Variants in DYNC1I1 observed in about 807,000 individuals in gnomAD.
DYNC1I1 encodes the protein dynein cytoplasmic 1 intermediate chain 1.
In DYNC1I1, 43 loss-of-function variants were observed where a neutral mutation model predicts 86.6. The ratio of observed to expected loss-of-function variants is 0.50; its 90% CI spans 0.39 to 0.64. The LOEUF is 0.64. Among genes scored for constraint, DYNC1I1 ranks in the 30% least tolerant of loss-of-function variants. The pLI is 0.00. For missense variants in DYNC1I1, 604 were observed against 788.8 expected (o/e 0.77, Z 2.81); for synonymous variants, 262 against 283.7 (o/e 0.92, Z 0.77).
At chr7:96,052,028 C>A (rs1312444711) in intron 14 of DYNC1I1, among the ~76,000 whole-genome samples, 1 of 152,162 alleles carries the variant, frequency 6.6e-6, no homozygotes, top group Non-Finnish European at 1.5e-5. Context: ...CCCTGTAAGA[C>A]TGTGAGCTCC....
chr7:96,075,513 C>T (rs188545414), intron 14 of DYNC1I1, among the ~76,000 whole-genome samples: 43 of 152,290 alleles, frequency 2.8e-4, no homozygotes, highest in Admixed American at 2.3e-3. Context: ...AATATTTGCA[C>T]GCATTCCTCT....
At chr7:95,844,135 T>C (rs1358921836) in intron 5 of DYNC1I1, among the ~76,000 whole-genome samples, 2 of 152,208 alleles carry the variant, frequency 1.3e-5, no homozygotes, top group Non-Finnish European at 2.9e-5. Flanking sequence ...CTCAACTTTA[T>C]ATAGATAACA....
chr7:95,966,021 A>G (rs1793003522), intron 6 of DYNC1I1, among the ~76,000 whole-genome samples: 1 of 152,150 alleles, frequency 6.6e-6, no homozygotes, highest in Admixed American at 6.6e-5. Context: ...TACAACACCC[A>G]ATCCAGTAGA....
intron 1 of DYNC1I1, among the ~76,000 whole-genome samples, chr7:95,774,638 A>G (rs1158661741): frequency 6.6e-6 from 1 of 152,162 alleles, no homozygotes; most frequent in Non-Finnish European, 1.5e-5. Context: ...TTTATATCTC[A>G]GAGAAGGCTC....
At chr7:95,953,352 A>T (rs1377422912) in intron 6 of DYNC1I1, among the ~76,000 whole-genome samples, 3 of 151,932 alleles carry the variant, frequency 2.0e-5, no homozygotes, top group Non-Finnish European at 4.4e-5. Flanking sequence ...TTTTTATGTG[A>T]GTGGAACAGC....
chr7:95,791,920 T>C (rs190159742), intron 1 of DYNC1I1, among the ~76,000 whole-genome samples: 2 of 152,336 alleles, frequency 1.3e-5, no homozygotes, highest in East Asian at 3.9e-4. Flanking sequence ...AAGAAAGATT[T>C]GTTGCATAAT....
At chr7:96,037,301 TATTC>T (rs1259066906) in intron 13 of DYNC1I1, among the ~76,000 whole-genome samples, 1 of 152,228 alleles carries the variant, frequency 6.6e-6, no homozygotes, top group East Asian at 1.9e-4. Flanking sequence ...TTGATAAAGT[TATTC>T]ATTCATAAAT....
chr7:96,045,902 C>T (rs1183558603), intron 14 of DYNC1I1, among the ~76,000 whole-genome samples: 5 of 151,972 alleles, frequency 3.3e-5, no homozygotes, highest in Non-Finnish European at 7.4e-5. Context: ...GAAGGGGAGA[C>T]GGAATAAAAG....
At chr7:95,816,332 G>A (rs1156695366) in intron 4 of DYNC1I1, among the ~76,000 whole-genome samples, 1 of 152,134 alleles carries the variant, frequency 6.6e-6, no homozygotes, top group Admixed American at 6.6e-5. Flanking sequence ...ACCTCTTACT[G>A]ATTTTTAAGA....
Position 95,925,614 on chromosome 7 carries a change from C to T in DYNC1I1, c.491-51898C>T, listed in dbSNP as rs554977346. Among the ~76,000 whole-genome samples, 7 of 152,226 alleles carry T rather than the reference C, an allele frequency of 4.6e-5. 1 individual carries two copies. In the South Asian group the frequency reaches 6.2e-4, roughly 14 times the overall value. ...TCTAAAGGTGGCATAAACGCTGTAA[C>T]ATTTCTATTGATTTTTAACATCCAG... is the stretch of plus-strand genomic sequence containing the variant. On this transcript the variant is annotated intron_variant, in intron 6 of 16. Coordinates refer to ENST00000447467, the MANE Select transcript of DYNC1I1 (RefSeq NM_001135556.2).
intron 9 of DYNC1I1, 129 bp from the exon 10 acceptor site, chr7:95,995,807 GTAAGCTGATAGT>G: frequency 6.6e-6 from 8 of 1,211,736 alleles, no homozygotes; most frequent in Non-Finnish European, 9.1e-6. Context: ...GGTTGCAGCA[GTAAGCTGATAGT>G]AGGTATGCCA....
chr7:96,001,922 C>G (rs1388503998), intron 10 of DYNC1I1, among the ~76,000 whole-genome samples: 1 of 152,174 alleles, frequency 6.6e-6, no homozygotes, highest in Non-Finnish European at 1.5e-5. Context: ...AAAGTATTCT[C>G]TTTACATCTG....
chr7:96,008,829 A>G (rs1186840213), intron 10 of DYNC1I1, among the ~76,000 whole-genome samples: 2 of 152,178 alleles, frequency 1.3e-5, no homozygotes, highest in Non-Finnish European at 2.9e-5. Flanking sequence ...GAATTTAAAT[A>G]TATTCTCCAC....
intron 6 of DYNC1I1, among the ~76,000 whole-genome samples, chr7:95,970,912 T>C (rs319307): frequency 0.8 from 122,043 of 152,094 alleles, 49,276 homozygotes; most frequent in East Asian, 0.9. Flanking sequence ...GCTGCTGGAG[T>C]TGCATCATAA....
chr7:95,911,006 A>G (rs1281244538), intron 6 of DYNC1I1, among the ~76,000 whole-genome samples: 2 of 152,308 alleles, frequency 1.3e-5, no homozygotes, highest in East Asian at 3.9e-4. Context: ...AAAGGATAGC[A>G]TGGTAAAAGC....
chr7:95,852,656 G>T (rs749450011), intron 5 of DYNC1I1, among the ~76,000 whole-genome samples: 54 of 151,880 alleles, frequency 3.6e-4, no homozygotes, highest in Non-Finnish European at 7.4e-4. Context: ...ACAGGTGCCC[G>T]CCACCACACC....
chr7:95,936,476 C>T (rs966872606), intron 6 of DYNC1I1, among the ~76,000 whole-genome samples: 3 of 151,718 alleles, frequency 2.0e-5, no homozygotes, highest in Non-Finnish European at 2.9e-5. Context: ...AATGGCTTTT[C>T]ATCTGTATCT....
intron 14 of DYNC1I1, among the ~76,000 whole-genome samples, chr7:96,055,454 G>T (rs1789547645): frequency 6.6e-6 from 1 of 152,050 alleles, no homozygotes; most frequent in Non-Finnish European, 1.5e-5. Context: ...TTTTTCCACT[G>T]CAAAATTCTT....
intron 4 of DYNC1I1, among the ~76,000 whole-genome samples, chr7:95,820,860 G>A (rs1006217816): frequency 6.6e-6 from 1 of 152,228 alleles, no homozygotes; most frequent in Non-Finnish European, 1.5e-5. Context: ...TTACCGGCAT[G>A]GGCCATCATG....
Sources: allele counts gnomAD v4.1 joint callset (sites outside exome capture counted in the v4.1 genomes callset), GRCh38; gene constraint gnomAD v4.1.1; transcripts MANE v1.5; gene names NCBI Gene and HGNC (gene_info 2026-07-23, HGNC 2026-07-21).